ABCB6: variants seen among roughly 807,000 people sequenced by gnomAD.
The protein encoded by ABCB6 is ATP binding cassette subfamily B member 6 (LAN blood group).
In ABCB6, 87 loss-of-function variants were observed where a neutral mutation model predicts 99.4. That is an observed-to-expected ratio of 0.88 (90% confidence interval 0.74 to 1.05). ABCB6 has a LOEUF of 1.05. ABCB6 is among the 50% of genes least tolerant of loss of function. The pLI is 0.00. For synonymous variants in ABCB6, 482 were observed against 447.5 expected, an observed-to-expected ratio of 1.08 and a Z score of -0.97; for missense variants, 1,050 against 1,097.9, an observed-to-expected ratio of 0.96 and a Z score of 0.62.
rs756454696 is a variant in ABCB6, at chr2:219,210,871, G to A, written c.2144-48C>T. The A allele has an allele frequency of 6.8e-6, 11 of 1,612,886 alleles. No individual in the cohort carries two copies. The South Asian group carries it at 8.8e-5, about 13-fold the overall frequency. ...GTTTCTTACGAAACGGAGGGAACAG[G>A]GGTCAGGGATTAGCAGGACAACACC... On this transcript the variant is annotated intron_variant, in intron 15 of 18. Transcript: ENST00000265316.
rs377474593 is a variant in ABCB6, at chr2:219,218,357, T to C, written c.317A>G (p.Tyr106Cys). The C allele has an allele frequency of 5.0e-6, 8 of 1,612,820 alleles. No homozygotes were observed. Among genetic ancestry groups the C allele is most frequent in the East Asian group, 2.2e-5 (1 of 44,886 alleles). ...GTARGAPLPS[Y>C]LLLASVLESL... The stretch of plus-strand genomic sequence containing the variant: ...CTCCAGCACGGAGGCCAGAAGTAGA[T>C]AGCTTGGCAGTGGGGCCCCCCGGGC... The change falls in exon 1 of 19, where the codon TAT (tyrosine) becomes TGT (cysteine). Residue 106 changes from tyrosine (Y) to cysteine (C), a missense_variant. Tyr to Cys is a radical substitution (Grantham distance 194, BLOSUM62 -2). Transcript: ENST00000265316.
In ABCB6 at chr2:219,210,766, C is replaced by T. The variant is rs775648840; in HGVS notation, c.2201G>A (p.Arg734His). ...GAGGATGGTGCGGGCAATGGCGACG[C>T]GCTGCTTCTCCCCGCCGCTCAGCTT... ...GLKLSGGEKQ[R>H]VAIARTILKA... is the part of the protein sequence containing the mutation. The change falls in exon 16 of 19, where the codon CGC becomes CAC. Residue 734 changes from arginine (R) to histidine (H), a missense_variant. Transcript: ENST00000265316. The T allele has an allele frequency of 6.2e-6, 10 of 1,613,752 alleles. No homozygotes were observed. The highest frequency in any genetic ancestry group is 4.5e-5 in the East Asian group (2 of 44,876).
rs777151575 is a variant in ABCB6, at chr2:219,210,707, G to A, written c.2256+4C>T. ...GGAAGGAGGGGAGGAGACCCAGGGCGCACCTCATCCAGCAGAATGATGCCC... is the reference window on the plus strand; with the variant it reads ...GGAAGGAGGGGAGGAGACCCAGGGCACACCTCATCCAGCAGAATGATGCCC... On this transcript the variant is annotated splice_donor_region_variant and intron_variant, in intron 16 of 18. Coordinates refer to ENST00000265316, the MANE Select transcript of ABCB6 (RefSeq NM_005689.4). 29 of 1,613,368 alleles carry A rather than the reference G, an allele frequency of 1.8e-5. 1 individual carries two copies. Among genetic ancestry groups the A allele is most frequent in the South Asian group, 3.3e-5 (3 of 91,076 alleles).
intron 1 of ABCB6, 113 bp from the exon 2 acceptor site, chr2:219,217,920 T>TAAA (rs373957284): frequency 1.8e-4 from 218 of 1,184,706 alleles, no homozygotes; most frequent in Non-Finnish European, 2.1e-4. Flanking sequence ...CTTACAGGCT[T>TAAA]AAAAAAAAAA....
rs752685888 is a variant in ABCB6 at position 219,213,710 on chromosome 2, G to A, written c.1579-44C>T. 40 of 1,613,512 alleles carry A rather than the reference G, an allele frequency of 2.5e-5. 2 individuals are homozygous for A. The South Asian group carries it at 4.3e-4, about 17-fold the overall frequency. ...CAGAGCATGTCACGGGGGGCCTGCA[G>A]GCCGCTCTTCTTGTGTCACCCTGCC... On this transcript the variant is annotated intron_variant, in intron 9 of 18. Coordinates refer to ENST00000265316, the MANE Select transcript of ABCB6 (RefSeq NM_005689.4).
At position 219,214,989 on chromosome 2, in the gene ABCB6, A is replaced by T. The variant is rs143971797; in HGVS notation, c.1248T>A (p.Ile416=). 9.3e-5 allele frequency: 150 copies of T among 1,614,156 alleles called. 1 individual carries two copies. Among genetic ancestry groups the T allele is most frequent in the Middle Eastern group, 6.6e-4 (4 of 6,062 alleles). The change falls in exon 6 of 19, where the codon ATT becomes ATA. Residue 416 remains isoleucine (I), a synonymous_variant. Transcript: ENST00000265316. ...SMFFNAWFGL[I]VFLCMSLYLT... ...GGTAAAGACTCATGCACAGGAACAC[A>T]ATGAGGCCAAACCAGGCGTTGAAGA...
Position 219,216,753 on chromosome 2 carries a change from C to T in ABCB6, c.767G>A (p.Arg256Gln), listed in dbSNP as rs72955421. The T allele has an allele frequency of 1.1e-4, 173 of 1,610,720 alleles. 1 individual carries two copies. The highest frequency in any genetic ancestry group is 1.6e-4 in the Middle Eastern group (1 of 6,062). Reference protein sequence around the residue: ...LRLLSGYLWPRGSPALQLVVL... With the variant: ...LRLLSGYLWPQGSPALQLVVL... ...CACCAGCTGCAGAGCTGGACTCCCT[C>T]GAGGCCACAGGTAGCCACTCAGGAG... The change falls in exon 3 of 19, where the codon CGA becomes CAA. Residue 256 changes from arginine (R) to glutamine (Q), a missense_variant. Physicochemically the swap from Arg to Gln is conservative, Grantham distance 43. Coordinates refer to ENST00000265316, the MANE Select transcript of ABCB6 (RefSeq NM_005689.4). The surrounding 1 kb of genome is among the most constrained non-coding windows in gnomAD (Gnocchi z 4.2).
At chr2:219,211,621 C>CTTTTT (rs34408255) in intron 14 of ABCB6, among the ~76,000 whole-genome samples, 170 of 87,520 alleles carry the variant, frequency 1.9e-3, no homozygotes, top group South Asian at 2.2e-3. Context: ...ATCGTTGTAC[C>CTTTTT]TTTTTTTTTT....
Position 219,213,511 on chromosome 2 carries a change from A to G in ABCB6, c.1656-9T>C, listed in dbSNP as rs201426421. 1.5e-5 allele frequency: 24 copies of G among 1,614,110 alleles called. No homozygotes were observed. The highest frequency in any genetic ancestry group is 2.0e-5 in the Non-Finnish European group (24 of 1,180,056). On this transcript the variant is annotated splice_polypyrimidine_tract_variant and intron_variant, in intron 10 of 18. Coordinates refer to ENST00000265316, the MANE Select transcript of ABCB6 (RefSeq NM_005689.4). ...AGTTGGTCTGGATCATCCTGCAAAA[A>G]GGTGCTGGTTAGGACTTCTCTGAGT...
chr2:219,218,339 A>C lies in ABCB6; in HGVS notation c.335T>G (p.Val112Gly), dbSNP rs762295719. 4 of 1,613,062 alleles carry C rather than the reference A, an allele frequency of 2.5e-6. No individual in the cohort carries two copies. ...PLPSYLLLASVLESLAGACGL... is the reference protein window; with the variant it reads ...PLPSYLLLASGLESLAGACGL... ...ACAGGCGCCGGCCAGACTCTCCAGC[A>C]CGGAGGCCAGAAGTAGATAGCTTGG... The change falls in exon 1 of 19, where the codon GTG becomes GGG. Residue 112 changes from valine to glycine, a missense_variant. Val to Gly is a moderately radical substitution (Grantham distance 109). Coordinates refer to ENST00000265316, the MANE Select transcript of ABCB6 (RefSeq NM_005689.4).
Position 219,218,532 on chromosome 2 carries a change from G to A in ABCB6, c.142C>T (p.Leu48Phe), listed in dbSNP as rs753653762. ...ALGTLALVLA[L>F]PCRRRERPAG... The stretch of plus-strand genomic sequence containing the variant: ...GGCCGCTCCCGGCGTCTGCAGGGAA[G>A]AGCCAGCACCAAGGCCAGAGTCCCC... The change falls in exon 1 of 19, where the codon CTT becomes TTT. Residue 48 changes from leucine (L) to phenylalanine (F), a missense_variant. By Grantham distance (22) the Leu-to-Phe change is conservative. Transcript: ENST00000265316. The A allele has an allele frequency of 9.9e-6, 16 of 1,611,300 alleles. No homozygotes were observed. The African/African-American group carries it at 1.9e-4, about 19-fold the overall frequency.
intron 5 of ABCB6, 157 bp from the exon 6 acceptor site, chr2:219,215,239 T>C (rs931206986): frequency 3.6e-6 from 3 of 822,394 alleles, no homozygotes; most frequent in Non-Finnish European, 5.6e-6. Flanking sequence ...AAATCAACCA[T>C]GCTCAAACTA....
intron 13 of ABCB6, among the ~76,000 whole-genome samples, 187 bp downstream of exon 13, chr2:219,212,821 C>T (rs755294759): frequency 1.4e-4 from 21 of 151,672 alleles, no homozygotes; most frequent in South Asian, 1.3e-3. Context: ...CGCAGCCGGC[C>T]GAGGCCCACT....
In ABCB6 at chr2:219,210,105, C is replaced by T. The variant is rs555882531; in HGVS notation, c.2421-59G>A. On this transcript the variant is annotated intron_variant, in intron 18 of 18. Transcript: ENST00000265316. Reference sequence around the variant, plus strand: ...TTAGTTTTACCCCGAGGGTCCTTGCCACCAGCCCACAGAGAGGACGGGATG... The same window carrying T: ...TTAGTTTTACCCCGAGGGTCCTTGCTACCAGCCCACAGAGAGGACGGGATG... The T allele has an allele frequency of 2.5e-6, 4 of 1,599,066 alleles. No homozygotes were observed. The African/African-American group carries it at 5.3e-5, about 21-fold the overall frequency.
intron 12 of ABCB6, 31 bp from the exon 13 acceptor site, chr2:219,213,096 C>T: frequency 6.2e-7 from 1 of 1,612,052 alleles, no homozygotes; most frequent in Non-Finnish European, 8.5e-7. Flanking sequence ...GCTCAGCAGG[C>T]ACCTTCCATC....
chr2:219,210,621 A>G (rs1950564579), intron 16 of ABCB6, 90 bp downstream of exon 16: 2 of 1,599,274 alleles, frequency 1.3e-6, no homozygotes, highest in African/African-American at 1.3e-5. Flanking sequence ...ATTTGAATTC[A>G]TGGTATCTGT....
At position 219,210,930 on chromosome 2, in the gene ABCB6, T is replaced by C. The variant is rs768219802; in HGVS notation, c.2143+4A>G. 3 of 1,614,086 alleles carry C rather than the reference T, an allele frequency of 1.9e-6. No individual in the cohort carries two copies. The Admixed American group carries it at 5.0e-5, about 27-fold the overall frequency. ...AGGGGACTCTCTGCAAAGGAATCTC[T>C]CACCTTCAGGGAAAGCCATAATGGC... On this transcript the variant is annotated splice_donor_region_variant and intron_variant, in intron 15 of 18. Transcript: ENST00000265316.
chr2:219,217,858 G>A, intron 1 of ABCB6, 51 bp from the exon 2 acceptor site: 6 of 1,521,932 alleles, frequency 3.9e-6, no homozygotes, highest in Non-Finnish European at 3.5e-6. Context: ...AAATTTCATT[G>A]TATTACTACT....
rs758507172 is a variant in ABCB6, at chr2:219,218,449, C to T, written c.225G>A (p.Leu75=). 6.2e-7 allele frequency: 1 copy of T among 1,609,408 alleles called. No individual in the cohort carries two copies. The highest frequency in any genetic ancestry group is 8.5e-7 in the Non-Finnish European group (1 of 1,178,268). Residue 75 remains leucine (L), a synonymous_variant, in exon 1 of 19, where the codon CTG becomes CTA. Coordinates refer to ENST00000265316, the MANE Select transcript of ABCB6 (RefSeq NM_005689.4). ...GAGPRISPYV[L]QLLLATLQAA... is the part of the protein sequence containing the mutation. ...CCTGAAGTGTGGCCAGAAGCAGCTG[C>T]AGCACGTAGGGAGAGATGCGAGGGC...
Sources: gnomAD v4.1 joint callset for allele counts (sites outside exome capture counted in the v4.1 genomes callset) on GRCh38, gnomAD v4.1.1 for gene constraint, Gnocchi (gnomAD v3.1) non-coding constraint, MANE v1.5 for transcripts, NCBI Gene and HGNC (gene_info 2026-07-23, HGNC 2026-07-21) for gene names.